Variants in SREBF2 observed in about 807,000 individuals in gnomAD.
The protein encoded by SREBF2 is sterol regulatory element binding transcription factor 2.
In SREBF2, 55 loss-of-function variants were observed where a neutral mutation model predicts 113.1. That is an observed-to-expected ratio of 0.49 (90% confidence interval 0.39 to 0.61). The LOEUF (loss-of-function observed/expected upper bound fraction) is 0.61. SREBF2 is among the 20% of genes least tolerant of loss of function. The pLI is 0.00. For synonymous variants in SREBF2, 593 were observed against 605.7 expected, an observed-to-expected ratio of 0.98 and a Z score of 0.31; for missense variants, 1,349 against 1,487.4, an observed-to-expected ratio of 0.91 and a Z score of 1.53.
At position 41,873,983 on chromosome 22, in the gene SREBF2, C is replaced by T. The variant is rs757692918; in HGVS notation, c.1053C>T (p.Ile351=). ...RYRSSINDKI[I]ELKDLVMGTD... ...GCTCCTCCATCAATGACAAAATCATCGAATTGAAAGACCTGGTCATGGGGA... is the reference window on the plus strand; with the variant it reads ...GCTCCTCCATCAATGACAAAATCATTGAATTGAAAGACCTGGTCATGGGGA... Residue 351 remains isoleucine (I), a synonymous_variant, in exon 5 of 19, where the codon ATC becomes ATT. Coordinates refer to ENST00000361204, the MANE Select transcript of SREBF2 (RefSeq NM_004599.4). The T allele has an allele frequency of 8.7e-6, 14 of 1,613,970 alleles. No homozygotes were observed. The highest frequency in any genetic ancestry group is 8.0e-5 in the African/African-American group (6 of 74,882).
At chr22:41,881,797 G>A (rs1240121223) in intron 10 of SREBF2, among the ~76,000 whole-genome samples, 1 of 152,160 alleles carries the variant, frequency 6.6e-6, no homozygotes, top group Non-Finnish European at 1.5e-5. Flanking sequence ...GCTGGGCATG[G>A]TAGCTGGCTC....
At chr22:41,904,078 A>C (rs777159478) in intron 17 of SREBF2, among the ~76,000 whole-genome samples, 2 of 152,122 alleles carry the variant, frequency 1.3e-5, no homozygotes, top group Non-Finnish European at 2.9e-5. Context: ...GGGTCTTGCT[A>C]TGTGGCCCAG....
At chr22:41,893,592 C>G (rs1163252285) in intron 12 of SREBF2, among the ~76,000 whole-genome samples, 2 of 152,110 alleles carry the variant, frequency 1.3e-5, no homozygotes, top group African/African-American at 2.4e-5. Context: ...CAAGGGTACT[C>G]TTAGCCCTTG....
chr22:41,902,384 C>T (rs1275628396), intron 16 of SREBF2, among the ~76,000 whole-genome samples: 1 of 152,166 alleles, frequency 6.6e-6, no homozygotes, highest in Non-Finnish European at 1.5e-5. Context: ...GAAACTGAGG[C>T]TCAGAGAGAC....
intron 13 of SREBF2, among the ~76,000 whole-genome samples, chr22:41,895,275 G>A (rs2077403497): frequency 6.6e-6 from 1 of 151,982 alleles, no homozygotes; most frequent in African/African-American, 2.4e-5. Context: ...GAGTAGCTGG[G>A]ACTACAGGCG....
intron 17 of SREBF2, among the ~76,000 whole-genome samples, 196 bp downstream of exon 17, chr22:41,903,351 T>C (rs1318228647): frequency 6.6e-6 from 1 of 152,236 alleles, no homozygotes; most frequent in Admixed American, 6.5e-5. Context: ...ACACATTGGT[T>C]GAGTGCCTGC....
At position 41,893,265 on chromosome 22, in the gene SREBF2, A is replaced by T; in HGVS notation, c.2357A>T (p.Tyr786Phe). The T allele has an allele frequency of 6.2e-7, 1 of 1,614,146 alleles. No individual in the cohort carries two copies. The highest frequency in any genetic ancestry group is 8.5e-7 in the Non-Finnish European group (1 of 1,180,016). Residue 786 changes from tyrosine (Y) to phenylalanine (F), a missense_variant, in exon 12 of 19, where the codon TAC becomes TTC. Around this residue, in one of 2 missense-constraint regions of SREBF2, gnomAD observed 650 missense variants for 644.1 expected, o/e 1.01. Coordinates refer to ENST00000361204, the MANE Select transcript of SREBF2 (RefSeq NM_004599.4). ...SVKSAAKESL[Y>F]CAQRNPADPI... ...AAGTCAGCTGCCAAGGAGAGTCTAT[A>T]CTGTGCCCAGAGGAACCCAGGTGAG...
intron 1 of SREBF2, among the ~76,000 whole-genome samples, chr22:41,848,151 G>A (rs1238395126): frequency 6.6e-6 from 1 of 151,922 alleles, no homozygotes; most frequent in Non-Finnish European, 1.5e-5. Context: ...TGCACAATGT[G>A]CAGGTTAGTT....
chr22:41,857,449 G>T (rs2076988068), intron 1 of SREBF2, among the ~76,000 whole-genome samples: 1 of 152,194 alleles, frequency 6.6e-6, no homozygotes, highest in Non-Finnish European at 1.5e-5. Flanking sequence ...GACCATTTGA[G>T]AATTCCTTTG....
intron 7 of SREBF2, 21 bp from the exon 8 acceptor site, chr22:41,877,208 C>T: frequency 6.2e-7 from 1 of 1,613,836 alleles, no homozygotes; most frequent in Non-Finnish European, 8.5e-7. Context: ...TTTATTCCAA[C>T]CTCGAGGCCT....
At chr22:41,867,813 G>GA (rs527717029) in intron 2 of SREBF2, among the ~76,000 whole-genome samples, 16,246 of 144,824 alleles carry the variant, frequency 0.11, 1,494 homozygotes, top group African/African-American at 0.26. Flanking sequence ...ATCTTAAAAA[G>GA]AAAAAAAAAA....
In SREBF2 at chr22:41,854,794, G is replaced by T. The variant is rs370843668; in HGVS notation, c.89-12037G>T. Among the ~76,000 whole-genome samples the T allele has an allele frequency of 2.5e-4, 38 of 151,972 alleles. No individual in the cohort carries two copies. In the East Asian group the frequency reaches 7.2e-3, roughly 29 times the overall value. On this transcript the variant is annotated intron_variant, in intron 1 of 18. Coordinates refer to ENST00000361204, the MANE Select transcript of SREBF2 (RefSeq NM_004599.4). ...TGAGGCTTGAGAATTGCTTGAACGT[G>T]GGAGGCGGAGGTGGAGCCAGAGGCT...
rs962779806 is a variant in SREBF2, at chr22:41,885,084, C to T, written c.2208+73C>T. 19 of 1,558,172 alleles carry T rather than the reference C, an allele frequency of 1.2e-5. 1 individual carries two copies. Among genetic ancestry groups the T allele is most frequent in the Admixed American group, 1.8e-5 (1 of 55,460 alleles). ...CTAGCCAGGAGTTAAGATGCAGAAG[C>T]AGTTATGAACCCCCTTCCCCATCAG... is the stretch of plus-strand genomic sequence containing the variant. On this transcript the variant is annotated intron_variant, in intron 11 of 18. Coordinates refer to ENST00000361204, the MANE Select transcript of SREBF2 (RefSeq NM_004599.4).
At chr22:41,849,182 T>TATTC (rs2076904700) in intron 1 of SREBF2, among the ~76,000 whole-genome samples, 1 of 151,834 alleles carries the variant, frequency 6.6e-6, no homozygotes, top group Non-Finnish European at 1.5e-5. Flanking sequence ...GCAGATTTAT[T>TATTC]ATTTATTTAT....
intron 1 of SREBF2, among the ~76,000 whole-genome samples, chr22:41,866,401 T>C (rs2077075029): frequency 6.6e-6 from 1 of 152,094 alleles, no homozygotes; most frequent in South Asian, 2.1e-4. Context: ...ATTACAAAAA[T>C]TAGCCGGGCA....
chr22:41,870,861 C>T (rs2077133691), intron 3 of SREBF2, 28 bp from the exon 4 acceptor site: 1 of 1,613,990 alleles, frequency 6.2e-7, no homozygotes, highest in African/African-American at 1.3e-5. Flanking sequence ...TGCTATCATC[C>T]TTTTACTTTT....
intron 1 of SREBF2, among the ~76,000 whole-genome samples, chr22:41,856,252 G>A (rs150156889): frequency 2.2e-4 from 34 of 152,052 alleles, no homozygotes; most frequent in African/African-American, 6.8e-4. Flanking sequence ...TCAGCCTGCC[G>A]AGTAGCTGGG....
intron 16 of SREBF2, among the ~76,000 whole-genome samples, chr22:41,901,917 CGGAG>C (rs2077468525): frequency 6.6e-6 from 1 of 152,222 alleles, no homozygotes; most frequent in South Asian, 2.1e-4. Flanking sequence ...TGATGGCCCT[CGGAG>C]GGCAGAATCC....
At chr22:41,878,211 G>A in intron 9 of SREBF2, 88 bp downstream of exon 9, 1 of 1,556,852 alleles carries the variant, frequency 6.4e-7, no homozygotes, top group Admixed American at 1.8e-5. Flanking sequence ...TATGATAGAT[G>A]CTTGTGGTGA....
Sources: gnomAD v4.1 joint callset for allele counts (sites outside exome capture counted in the v4.1 genomes callset) on GRCh38, gnomAD v4.1.1 for gene constraint, gnomAD v4.1.1 regional missense constraint, MANE v1.5 for transcripts, NCBI Gene and HGNC (gene_info 2026-07-23, HGNC 2026-07-21) for gene names.